The following PPFIA4 variants were observed in gnomAD, a reference collection of about 807,000 sequenced individuals.
PPFIA4 encodes liprin-alpha-4.
A neutral mutation model predicts 145.7 loss-of-function variants in PPFIA4; 98 were observed. The observed-to-expected ratio is 0.67, with a 90% confidence interval of 0.57 to 0.80. The LOEUF is 0.80. PPFIA4 is among the 30% of genes least tolerant of loss of function. The pLI is 0.00. For synonymous variants in PPFIA4, 628 were observed against 649.6 expected, an observed-to-expected ratio of 0.97 and a Z score of 0.51; for missense variants, 1,457 against 1,632.7, an observed-to-expected ratio of 0.89 and a Z score of 1.85.
chr1:203,051,925 C>A, intron 14 of PPFIA4, 48 bp downstream of exon 14: 1 of 1,582,754 alleles, frequency 6.3e-7, no homozygotes. Context: ...TCAATTCGGC[C>A]GCGTGCCTGG....
At chr1:203,051,295 C>T in intron 13 of PPFIA4, 1 of 986,798 alleles carries the variant, frequency 1.0e-6, no homozygotes, top group Non-Finnish European at 1.2e-6. Context: ...TATGGGGAGA[C>T]CCGAGGAAAA....
Position 203,060,156 on chromosome 1 carries a change from GC to G in PPFIA4, c.2584-59del. 6.4e-7 allele frequency: 1 copy of G among 1,559,532 alleles called. No homozygotes were observed. The highest frequency in any genetic ancestry group is 1.2e-5 in the South Asian group (1 of 86,926). On this transcript the variant is annotated intron_variant, in intron 21 of 29. Coordinates refer to ENST00000295706, the MANE Select transcript of PPFIA4 (RefSeq NM_001304331.2). This position sits in a 1 kb window ranked among gnomAD's most constrained non-coding sequence, Gnocchi z 4.8. ...GGCCTGGCCCTTGCCCCTTGCTGTT[GC>G]CAAACTCTTGGTGGTAGGGCCCAGG...
Position 203,048,350 on chromosome 1 carries a change from C to T in PPFIA4, c.1224+40C>T, listed in dbSNP as rs769103952. Reference sequence around the variant, plus strand: ...CCGGGCCCTCAGGCCCCCTCCTTCCCGCAGGACAGGCTCCCAGGGCGGTCT... The same window carrying T: ...CCGGGCCCTCAGGCCCCCTCCTTCCTGCAGGACAGGCTCCCAGGGCGGTCT... On this transcript the variant is annotated intron_variant, in intron 10 of 29. Transcript: ENST00000295706. This position sits in a 1 kb window ranked among gnomAD's most constrained non-coding sequence, Gnocchi z 5.8. 189 of 1,596,218 alleles carry T rather than the reference C, an allele frequency of 1.2e-4. 2 individuals carry two copies. Among genetic ancestry groups the T allele is most frequent in the Middle Eastern group, 3.4e-4 (2 of 5,822 alleles).
At chr1:203,034,548 G>C (rs948258267) in intron 1 of PPFIA4, 3 of 456,348 alleles carry the variant, frequency 6.6e-6, no homozygotes, top group African/African-American at 2.0e-5. Flanking sequence ...CTATGGGAGT[G>C]GGGGGCAGTG....
chr1:203,069,521 T>C lies in PPFIA4; in HGVS notation c.3324+893T>C, dbSNP rs910605599. ...TTAATTCTTTTAGGCTTTCCTCATATAGACTCGCCTCTGTCCCCTGATTGT... is the reference window on the plus strand; with the variant it reads ...TTAATTCTTTTAGGCTTTCCTCATACAGACTCGCCTCTGTCCCCTGATTGT... On this transcript the variant is annotated intron_variant, in intron 27 of 29. Coordinates refer to ENST00000295706, the MANE Select transcript of PPFIA4 (RefSeq NM_001304331.2). 2.6e-5 allele frequency among the ~76,000 whole-genome samples: 4 copies of C among 152,370 alleles called. No homozygotes were observed. The East Asian group carries it at 7.7e-4, about 29-fold the overall frequency.
At chr1:203,035,528 C>T (rs1249542187) in intron 1 of PPFIA4, 4 of 456,484 alleles carry the variant, frequency 8.8e-6, no homozygotes, top group Admixed American at 7.0e-5. Flanking sequence ...CACACCCACT[C>T]ACTCTTGAGC....
In PPFIA4 at chr1:203,051,846, G is replaced by A. The variant is rs755741329; in HGVS notation, c.1589G>A (p.Arg530His). 1.9e-6 allele frequency: 3 copies of A among 1,613,644 alleles called. No homozygotes were observed. Among genetic ancestry groups the A allele is most frequent in the East Asian group, 2.2e-5 (1 of 44,872 alleles). ...CACGCACCCCCAGGCGTGCATCGCC[G>A]CTACTCGGCATTGAGGGAAGAGTCT... ...TTHAPPGVHR[R>H]YSALREESAK... The change falls in exon 14 of 30, where the codon CGC becomes CAC. Residue 530 changes from arginine to histidine, a missense_variant. Arg to His is a conservative substitution (Grantham distance 29). Around this residue, in one of 3 missense-constraint regions of PPFIA4, gnomAD observed 848 missense variants for 1,046.7 expected, o/e 0.81. Transcript: ENST00000295706.
At chr1:203,031,214 T>TG (rs953648626) in intron 1 of PPFIA4, among the ~76,000 whole-genome samples, 1 of 152,146 alleles carries the variant, frequency 6.6e-6, no homozygotes, top group Non-Finnish European at 1.5e-5. Context: ...CATGCCACCA[T>TG]GCCCAGCTAG....
intron 13 of PPFIA4, among the ~76,000 whole-genome samples, chr1:203,050,801 C>G (rs1175298492): frequency 6.6e-6 from 1 of 151,804 alleles, no homozygotes; most frequent in Non-Finnish European, 1.5e-5. Flanking sequence ...CCTACTTCTC[C>G]CATCCTGACC....
chr1:203,066,199 T>C (rs533260094), intron 25 of PPFIA4, among the ~76,000 whole-genome samples: 20 of 152,326 alleles, frequency 1.3e-4, no homozygotes, highest in African/African-American at 4.8e-4. Context: ...TTTCCAGTCA[T>C]GAGCTGTGTG....
chr1:203,039,133 A>G lies in PPFIA4; in HGVS notation c.125A>G (p.Glu42Gly), dbSNP rs1185865772. ...NMLDEREKLL[E>G]SLRESQETLA... Reference sequence around the variant, plus strand: ...CTGGACGAGCGGGAGAAGTTGCTGGAGTCTCTTCGGGAGAGTCAGGAGACC... The same window carrying G: ...CTGGACGAGCGGGAGAAGTTGCTGGGGTCTCTTCGGGAGAGTCAGGAGACC... The change falls in exon 2 of 30, where the codon GAG becomes GGG. Residue 42 changes from glutamate (E) to glycine (G), a missense_variant. Physicochemically the swap from Glu to Gly is moderately conservative, Grantham distance 98. Around this residue, in one of 3 missense-constraint regions of PPFIA4, gnomAD observed 463 missense variants for 459.8 expected, o/e 1.01. Transcript: ENST00000295706. 6.2e-7 allele frequency: 1 copy of G among 1,607,940 alleles called. No homozygotes were observed. The highest frequency in any genetic ancestry group is 1.3e-5 in the African/African-American group (1 of 74,814).
intron 2 of PPFIA4, among the ~76,000 whole-genome samples, chr1:203,040,769 G>A (rs1246258374): frequency 5.9e-5 from 9 of 152,290 alleles, no homozygotes; most frequent in Middle Eastern, 3.4e-3. Context: ...GGACTGTTAC[G>A]TCTGTCTTAC....
intron 24 of PPFIA4, chr1:203,063,034 A>G (rs147910499): frequency 6.6e-6 from 1 of 152,282 alleles, no homozygotes; most frequent in Admixed American, 6.5e-5. Context: ...TATATGTATC[A>G]GCTATTACAT....
intron 9 of PPFIA4, chr1:203,046,647 G>T: frequency 2.9e-6 from 1 of 343,060 alleles, no homozygotes; most frequent in Non-Finnish European, 5.1e-6. Context: ...TTGATGCAAA[G>T]TGTTTTTCTT....
chr1:203,040,706 A>G (rs1659639367), intron 2 of PPFIA4, among the ~76,000 whole-genome samples: 1 of 152,200 alleles, frequency 6.6e-6, no homozygotes, highest in Non-Finnish European at 1.5e-5. Context: ...GGCTTGGGCT[A>G]AGTGCTTTCT....
Position 203,059,171 on chromosome 1 carries a change from C to G in PPFIA4, c.2408-7C>G. On this transcript the variant is annotated splice_region_variant and splice_polypyrimidine_tract_variant and intron_variant, in intron 19 of 29. Coordinates refer to ENST00000295706, the MANE Select transcript of PPFIA4 (RefSeq NM_001304331.2). Reference sequence around the variant, plus strand: ...GCTGGCTGACACACACATCTCTTTCCTTGTAGTTCTGCTAACAGACTCCGA... The same window carrying G: ...GCTGGCTGACACACACATCTCTTTCGTTGTAGTTCTGCTAACAGACTCCGA... 1 of 1,498,524 alleles carries G rather than the reference C, an allele frequency of 6.7e-7. No homozygotes were observed. The highest frequency in any genetic ancestry group is 9.1e-7 in the Non-Finnish European group (1 of 1,095,780). The allele number at this position is 1,498,524 out of a possible 1,614,324, so 92.8% of individuals were successfully genotyped here.
intron 24 of PPFIA4, 131 bp from the exon 25 acceptor site, chr1:203,063,697 T>C: frequency 1.2e-6 from 1 of 821,842 alleles, no homozygotes; most frequent in Non-Finnish European, 1.9e-6. Context: ...AAACTGAAAT[T>C]GTATTGGACT....
At chr1:203,067,412 G>A (rs1661799209) in intron 25 of PPFIA4, 4 of 397,596 alleles carry the variant, frequency 1.0e-5, no homozygotes, top group Non-Finnish European at 1.4e-5. Context: ...CCTGGAGAGA[G>A]AGGGACATGT....
At position 203,076,639 on chromosome 1, in the gene PPFIA4, A is replaced by G. The variant is rs1047929286; in HGVS notation, c.*249A>G. The G allele has an allele frequency of 3.6e-6, 2 of 554,844 alleles. No individual in the cohort carries two copies. Among genetic ancestry groups the G allele is most frequent in the South Asian group, 2.1e-5 (1 of 47,754 alleles). The allele number at this position is 554,844 out of a possible 1,614,324, so 34.4% of individuals were successfully genotyped here. On this transcript the variant is annotated 3_prime_UTR_variant, in exon 30 of 30. Coordinates refer to ENST00000295706, the MANE Select transcript of PPFIA4 (RefSeq NM_001304331.2). ...TATTGTGGAGGCACCCAGGTTGTCC[A>G]TGCTTGGGATTCTGGGGGAAGGAGA...
Sources: allele counts gnomAD v4.1 joint callset (sites outside exome capture counted in the v4.1 genomes callset), GRCh38; gene constraint gnomAD v4.1.1; regional missense constraint gnomAD v4.1.1; non-coding constraint Gnocchi (gnomAD v3.1); transcripts MANE v1.5; gene names NCBI Gene and HGNC (gene_info 2026-07-23, HGNC 2026-07-21).